Variants in CSRNP3 observed in about 807,000 individuals in gnomAD.
CSRNP3 encodes cysteine/serine-rich nuclear protein 3.
CSRNP3 carries 12 observed loss-of-function variants against 48.0 expected under a neutral mutation model. The ratio of observed to expected loss-of-function variants is 0.25; its 90% CI spans 0.16 to 0.41. The LOEUF (loss-of-function observed/expected upper bound fraction) is 0.41, where lower values mean the gene tolerates loss of function less well. CSRNP3 is among the 10% of genes least tolerant of loss of function. The pLI is 1.00. For synonymous variants in CSRNP3, 263 were observed against 269.7 expected, an observed-to-expected ratio of 0.98 and a Z score of 0.24; for missense variants, 580 against 724.4, an observed-to-expected ratio of 0.80 and a Z score of 2.29.
At chr2:165,583,395 T>A (rs532951145) in intron 3 of CSRNP3, among the ~76,000 whole-genome samples, 1 of 152,316 alleles carries the variant, frequency 6.6e-6, no homozygotes, top group East Asian at 1.9e-4. Context: ...TCCCCCAACA[T>A]GCATGTGCAC....
chr2:165,514,568 A>G (rs1044073112), intron 2 of CSRNP3, among the ~76,000 whole-genome samples: 1 of 152,264 alleles, frequency 6.6e-6, no homozygotes, highest in Non-Finnish European at 1.5e-5. Context: ...CAGTGTCCCC[A>G]GGTAACATCC....
chr2:165,651,899 G>T (rs563426982), intron 4 of CSRNP3, among the ~76,000 whole-genome samples: 6 of 151,940 alleles, frequency 3.9e-5, no homozygotes, highest in Admixed American at 6.6e-5. Flanking sequence ...CAGGTGATCC[G>T]CCTGCCTCGG....
rs957982832 is a variant in CSRNP3 at position 165,676,444 on chromosome 2, A to C, written c.541A>C (p.Lys181Gln). ...CTTCCTACAACCTTTGCCAACAAAA[A>C]AACGAAGAGCTCTGCTGCGTGCCTC... ...YFFLQPLPTK[K>Q]RRALLRASGV... The change falls in exon 6 of 7, where the codon AAA (lysine) becomes CAA (glutamine). Residue 181 changes from lysine (K) to glutamine (Q), a missense_variant. Lys to Gln is a moderately conservative substitution (Grantham distance 53). Transcript: ENST00000651982. 13 of 1,614,072 alleles carry C rather than the reference A, an allele frequency of 8.1e-6. No homozygotes were observed. The highest frequency in any genetic ancestry group is 1.1e-5 in the Non-Finnish European group (13 of 1,180,012).
intron 1 of CSRNP3, among the ~76,000 whole-genome samples, chr2:165,477,504 A>AATATATATATATATATATAT (rs35294627): frequency 2.7e-4 from 36 of 132,180 alleles, no homozygotes; most frequent in African/African-American, 1.0e-3. Flanking sequence ...ATATAATACA[A>AATATATATATATATATATAT]ATATATATAT....
At position 165,584,762 on chromosome 2, in the gene CSRNP3, GATTAGTTTATTTAGC is replaced by G. The variant is rs574277171; in HGVS notation, c.-23-10279_-23-10265del. Among the ~76,000 whole-genome samples the G allele has an allele frequency of 3.2e-4, 49 of 152,252 alleles. 1 individual carries two copies. In the East Asian group the frequency reaches 7.7e-3, roughly 24 times the overall value. ...TAGAAGGGCAACTGCTTAAAATGATGATTAGTTTATTTAGCAAAGAGTTTAGACCAGGGATGTCCA... is the reference window on the plus strand; with the variant it reads ...TAGAAGGGCAACTGCTTAAAATGATGAAAGAGTTTAGACCAGGGATGTCCA... On this transcript the variant is annotated intron_variant, in intron 3 of 6. Transcript: ENST00000651982.
Position 165,689,205 on chromosome 2 carries a change from A to T in CSRNP3, c.*9452A>T, listed in dbSNP as rs1238517932. ...TTCTGTATTTATATTTTCAGTATTT[A>T]TTATGAATGACATGGAAATTCGTGT... On this transcript the variant is annotated 3_prime_UTR_variant, in exon 7 of 7. Coordinates refer to ENST00000651982, the MANE Select transcript of CSRNP3 (RefSeq NM_001172173.2). The T allele has an allele frequency of 2.6e-5, 4 of 152,144 alleles. No homozygotes were observed. The highest frequency in any genetic ancestry group is 2.9e-5 in the Non-Finnish European group (2 of 67,992). 9.4% of individuals were successfully genotyped at this position (152,144 alleles called of 1,614,324 possible).
At chr2:165,553,608 G>T (rs556373866) in intron 3 of CSRNP3, among the ~76,000 whole-genome samples, 1 of 151,906 alleles carries the variant, frequency 6.6e-6, no homozygotes, top group Admixed American at 6.6e-5. Flanking sequence ...GTTTCTCTCC[G>T]CCCTCATCTT....
At chr2:165,530,883 G>A (rs1282724577) in intron 3 of CSRNP3, among the ~76,000 whole-genome samples, 2 of 150,648 alleles carry the variant, frequency 1.3e-5, no homozygotes, top group Non-Finnish European at 2.9e-5. Flanking sequence ...AGAAGAAAAT[G>A]TATAGTATGA....
At chr2:165,516,885 T>G (rs544194284) in intron 2 of CSRNP3, among the ~76,000 whole-genome samples, 1 of 152,230 alleles carries the variant, frequency 6.6e-6, no homozygotes, top group African/African-American at 2.4e-5. Flanking sequence ...ACAAATTTTT[T>G]TCTTAAAGAT....
intron 2 of CSRNP3, among the ~76,000 whole-genome samples, chr2:165,514,356 C>T (rs530937412): frequency 3.3e-5 from 5 of 152,350 alleles, no homozygotes; most frequent in East Asian, 1.9e-4. Context: ...TGGCAGTTCC[C>T]GCTGATCTTC....
intron 3 of CSRNP3, chr2:165,566,704 T>G (rs560592353): frequency 7.9e-5 from 12 of 152,054 alleles, no homozygotes; most frequent in African/African-American, 2.6e-4. Context: ...GGCTGTATAT[T>G]CTTATATATT....
intron 3 of CSRNP3, among the ~76,000 whole-genome samples, chr2:165,529,885 AAAATTATC>A (rs1221731671): frequency 6.6e-6 from 1 of 152,230 alleles, no homozygotes; most frequent in African/African-American, 2.4e-5. Context: ...ATTAGGAGAG[AAAATTATC>A]TTGCCTACTA....
chr2:165,582,573 A>G (rs1685566320), intron 3 of CSRNP3, among the ~76,000 whole-genome samples: 1 of 152,236 alleles, frequency 6.6e-6, no homozygotes, highest in Admixed American at 6.5e-5. Context: ...GCCCTGTCCT[A>G]GGAAGTGGGT....
chr2:165,518,392 T>C (rs72877716), intron 3 of CSRNP3, among the ~76,000 whole-genome samples: 26,834 of 151,900 alleles, frequency 0.18, 2,559 homozygotes, highest in Non-Finnish European at 0.2. Flanking sequence ...CCTTGAATTC[T>C]ATTTCCTGAC....
At chr2:165,555,714 T>C (rs568163084) in intron 3 of CSRNP3, among the ~76,000 whole-genome samples, 1 of 152,342 alleles carries the variant, frequency 6.6e-6, no homozygotes, top group East Asian at 1.9e-4. Context: ...AAGGCTCTTA[T>C]CCCAGTTTTG....
chr2:165,611,591 T>C (rs147375871), intron 4 of CSRNP3, among the ~76,000 whole-genome samples: 1 of 152,204 alleles, frequency 6.6e-6, no homozygotes, highest in Non-Finnish European at 1.5e-5. Flanking sequence ...AAAAAAAATG[T>C]GAGCTTTAAA....
At chr2:165,533,574 G>C (rs1190796854) in intron 3 of CSRNP3, among the ~76,000 whole-genome samples, 1 of 152,076 alleles carries the variant, frequency 6.6e-6, no homozygotes, top group Non-Finnish European at 1.5e-5. Flanking sequence ...CTAGAAAAAT[G>C]AGAGCAGAAC....
intron 1 of CSRNP3, among the ~76,000 whole-genome samples, chr2:165,484,811 G>A (rs749464341): frequency 3.3e-5 from 5 of 151,954 alleles, no homozygotes; most frequent in African/African-American, 4.8e-5. Flanking sequence ...TTACAACATC[G>A]CAATTTTGGT....
chr2:165,488,827 GC>G (rs1684159603), intron 1 of CSRNP3, among the ~76,000 whole-genome samples: 1 of 101,248 alleles, frequency 9.9e-6, no homozygotes, highest in Non-Finnish European at 2.0e-5. Context: ...AGCACTAAAT[GC>G]CCACAAGAGA....
Sources: allele counts gnomAD v4.1 joint callset (sites outside exome capture counted in the v4.1 genomes callset), GRCh38; gene constraint gnomAD v4.1.1; transcripts MANE v1.5; gene names NCBI Gene and HGNC (gene_info 2026-07-23, HGNC 2026-07-21).